Variants in GALNT14 observed in about 807,000 individuals in gnomAD.
GALNT14 encodes the protein polypeptide N-acetylgalactosaminyltransferase 14, also known as UDP-GalNAc:polypeptide N-acetylgalactosaminyltransferase 14.
GALNT14 carries 60 observed loss-of-function variants against 77.5 expected under a neutral mutation model. The ratio of observed to expected loss-of-function variants is 0.77; its 90% CI spans 0.63 to 0.96. The LOEUF is 0.96. Among genes scored for constraint, GALNT14 ranks in the 40% least tolerant of loss-of-function variants. The pLI is 0.00. For synonymous variants in GALNT14, 280 were observed against 281.7 expected (o/e 0.99, Z 0.06); for missense variants, 710 against 731.0 (o/e 0.97, Z 0.33).
intron 3 of GALNT14, among the ~76,000 whole-genome samples, chr2:30,963,144 C>T (rs1245123230): frequency 6.6e-6 from 1 of 152,158 alleles, no homozygotes; most frequent in Non-Finnish European, 1.5e-5. Flanking sequence ...GCTCTCTCAG[C>T]TAAGTCGTCT....
chr2:30,970,828 T>C (rs1335816634), intron 2 of GALNT14, among the ~76,000 whole-genome samples: 2 of 152,132 alleles, frequency 1.3e-5, no homozygotes, highest in Admixed American at 6.5e-5. Context: ...CTCCTGCCCC[T>C]GCTCACAGCT....
intron 9 of GALNT14, among the ~76,000 whole-genome samples, chr2:30,935,916 A>T (rs1572994679): frequency 1.3e-5 from 2 of 152,304 alleles, no homozygotes; most frequent in East Asian, 3.9e-4. Flanking sequence ...TCGAGGCTGC[A>T]GCACCTGCAC....
chr2:31,048,233 A>C (rs1456259633), intron 1 of GALNT14, among the ~76,000 whole-genome samples: 1 of 152,174 alleles, frequency 6.6e-6, no homozygotes, highest in Non-Finnish European at 1.5e-5. Flanking sequence ...CCACACCAGG[A>C]TTGGTGGTAT....
At chr2:31,074,937 T>C (rs1187022185) in intron 1 of GALNT14, among the ~76,000 whole-genome samples, 1 of 152,180 alleles carries the variant, frequency 6.6e-6, no homozygotes, top group African/African-American at 2.4e-5. Context: ...GTTTTGCCCA[T>C]GGATCTTAAT....
rs181704899 is a variant in GALNT14 at position 30,924,389 on chromosome 2, C to A, written c.1236-126G>T. 682 of 1,011,746 alleles carry A rather than the reference C, an allele frequency of 6.7e-4. 4 individuals carry two copies. The African/African-American group carries it at 9.4e-3, about 14-fold the overall frequency. 62.7% of individuals were successfully genotyped at this position (1,011,746 alleles called of 1,614,324 possible). On this transcript the variant is annotated intron_variant, in intron 12 of 14. Coordinates refer to ENST00000349752, the MANE Select transcript of GALNT14 (RefSeq NM_024572.4). Reference sequence around the variant, plus strand: ...GGGCTGTTAGAAAATATCTGCACTGCTCGGGGAAGGGCAGGGTGCCACTAA... The same window carrying A: ...GGGCTGTTAGAAAATATCTGCACTGATCGGGGAAGGGCAGGGTGCCACTAA...
At chr2:30,959,223 G>T (rs554117851) in intron 3 of GALNT14, among the ~76,000 whole-genome samples, 1 of 152,200 alleles carries the variant, frequency 6.6e-6, no homozygotes, top group South Asian at 2.1e-4. Flanking sequence ...CCTCCTCTGG[G>T]ATCTCCTAGT....
At chr2:30,946,033 C>T (rs1446491029) in intron 6 of GALNT14, among the ~76,000 whole-genome samples, 163 bp from the exon 7 acceptor site, 1 of 152,126 alleles carries the variant, frequency 6.6e-6, no homozygotes, top group Non-Finnish European at 1.5e-5. Flanking sequence ...AAAGGGGGTA[C>T]TGGGCAATGG....
chr2:31,075,539 C>T (rs1675718462), intron 1 of GALNT14, among the ~76,000 whole-genome samples: 1 of 152,186 alleles, frequency 6.6e-6, no homozygotes, highest in South Asian at 2.1e-4. Context: ...CACAGCTGGA[C>T]ATGGCAGCAT....
intron 1 of GALNT14, among the ~76,000 whole-genome samples, chr2:31,130,055 T>C (rs1471687553): frequency 2.0e-5 from 3 of 152,224 alleles, no homozygotes; most frequent in Admixed American, 6.5e-5. Flanking sequence ...CCTGCTCTCC[T>C]GCATTTCCTT....
chr2:31,058,588 G>A (rs555879657), intron 1 of GALNT14, among the ~76,000 whole-genome samples: 1 of 152,288 alleles, frequency 6.6e-6, no homozygotes, highest in South Asian at 2.1e-4. Context: ...AAAGGAAGAC[G>A]TCAGGTTGAC....
intron 1 of GALNT14, among the ~76,000 whole-genome samples, chr2:31,040,473 G>A (rs1673033400): frequency 6.6e-6 from 1 of 152,178 alleles, no homozygotes; most frequent in Non-Finnish European, 1.5e-5. Context: ...CTGGTTTCTG[G>A]AGGTACTGTG....
At chr2:31,137,524 C>T (rs1320924052) in intron 1 of GALNT14, among the ~76,000 whole-genome samples, 1 of 152,096 alleles carries the variant, frequency 6.6e-6, no homozygotes, top group Non-Finnish European at 1.5e-5. Flanking sequence ...CCTCCGGCCT[C>T]CCCAGGTCGG....
In GALNT14 at chr2:31,138,164, G is replaced by A. The variant is rs978376156; in HGVS notation, c.-78C>T. ...GGCGGTCAGGGTTGGCGGGGCAGGA[G>A]TCCTGGCGAGCGCCTCGCTCTGGGG... On this transcript the variant is annotated 5_prime_UTR_variant, in exon 1 of 15. Transcript: ENST00000349752. 2.9e-5 allele frequency: 46 copies of A among 1,589,548 alleles called. No homozygotes were observed. The Middle Eastern group carries it at 1.2e-3, about 40-fold the overall frequency.
intron 1 of GALNT14, among the ~76,000 whole-genome samples, chr2:31,011,307 C>T (rs1671016290): frequency 1.3e-5 from 2 of 152,238 alleles, no homozygotes; most frequent in Non-Finnish European, 2.9e-5. Flanking sequence ...AGAATAGCTA[C>T]CACTTTGGTA....
chr2:31,008,647 G>T (rs1670827227), intron 1 of GALNT14, among the ~76,000 whole-genome samples: 1 of 152,212 alleles, frequency 6.6e-6, no homozygotes, highest in African/African-American at 2.4e-5. Flanking sequence ...ATCAAGGCTG[G>T]AAGAGAGGCA....
chr2:30,895,089 T>C, the GALNT14 span, among the ~76,000 whole-genome samples: 4 of 152,186 alleles, frequency 2.6e-5, no homozygotes, highest in Admixed American at 6.5e-5. Context: ...AAGGACCTAT[T>C]CTGGATAGAG....
chr2:31,125,030 T>C (rs114781828), intron 1 of GALNT14: 10,271 of 665,778 alleles, frequency 0.015, 153 homozygotes, highest in Non-Finnish European at 0.018. Context: ...GCAACTTCTC[T>C]CTCCAGACAT....
At chr2:31,029,699 TC>T (rs1672292115) in intron 1 of GALNT14, among the ~76,000 whole-genome samples, 1 of 152,116 alleles carries the variant, frequency 6.6e-6, no homozygotes. Flanking sequence ...ACACTCTACA[TC>T]CCAGAGGAGT....
At chr2:30,939,594 T>C (rs956621039) in intron 9 of GALNT14, among the ~76,000 whole-genome samples, 5 of 151,938 alleles carry the variant, frequency 3.3e-5, no homozygotes, top group Admixed American at 1.3e-4. Context: ...GAGGTTTGCA[T>C]TTCAAAACAA....
Sources: gnomAD v4.1 joint callset for allele counts (sites outside exome capture counted in the v4.1 genomes callset) on GRCh38, gnomAD v4.1.1 for gene constraint, MANE v1.5 for transcripts, NCBI Gene and HGNC (gene_info 2026-07-23, HGNC 2026-07-21) for gene names.